C12orf42: variants seen among roughly 807,000 people sequenced by gnomAD.
C12orf42 encodes uncharacterized protein C12orf42.
A neutral mutation model predicts 21.6 loss-of-function variants in C12orf42; 25 were observed. The ratio of observed to expected loss-of-function variants is 1.16; its 90% CI spans 0.84 to 1.62. The LOEUF is 1.62. Ranked by LOEUF, C12orf42 falls within the 40% of genes most tolerant of loss-of-function variation. The probability of loss-of-function intolerance (pLI) is 0.00; values close to 1 mark genes in which losing one functional copy is unlikely to be tolerated. For synonymous variants in C12orf42, 174 were observed against 175.0 expected (o/e 0.99, Z 0.05); for missense variants, 483 against 459.3 (o/e 1.05, Z -0.47).
the C12orf42 span, among the ~76,000 whole-genome samples, chr12:103,132,046 A>G: frequency 1.3e-5 from 2 of 152,186 alleles, no homozygotes; most frequent in Admixed American, 1.3e-4. Flanking sequence ...AATATGAGTT[A>G]GACGTATATG....
At chr12:103,516,063 C>T in the C12orf42 span, among the ~76,000 whole-genome samples, 1 of 152,136 alleles carries the variant, frequency 6.6e-6, no homozygotes, top group Admixed American at 6.5e-5. Context: ...ATTGGATATA[C>T]TTCTTTAAAA....
chr12:103,120,480 G>T, the C12orf42 span, among the ~76,000 whole-genome samples: 1 of 152,284 alleles, frequency 6.6e-6, no homozygotes, highest in African/African-American at 2.4e-5. Context: ...CATGCTAGAG[G>T]TAAGAATGCT....
In C12orf42 at chr12:103,293,176, C is replaced by T. The variant is rs80134809; in HGVS notation, n.338-15966G>A. Among the ~76,000 whole-genome samples, 1,751 of 152,180 alleles carry T rather than the reference C, an allele frequency of 0.012. 100 individuals carry two copies. The East Asian group carries it at 0.19, about 17-fold the overall frequency. On this transcript the variant is annotated intron_variant and non_coding_transcript_variant, in intron 4 of 6. Coordinates refer to the C12orf42 transcript ENST00000546526. ...AAATAAGATTAATTCCCTTCCCTTT[C>T]AGGAACCCATCTCTGGTCTCCTCTT...
At chr12:103,522,054 G>T in the C12orf42 span, among the ~76,000 whole-genome samples, 1 of 152,084 alleles carries the variant, frequency 6.6e-6, no homozygotes, top group South Asian at 2.1e-4. Flanking sequence ...GATATGGTTT[G>T]GCTGTGTCCC....
At chr12:103,240,874 A>G (rs2033704572) in intron 10 of C12orf42, among the ~76,000 whole-genome samples, 1 of 152,192 alleles carries the variant, frequency 6.6e-6, no homozygotes, top group African/African-American at 2.4e-5. Flanking sequence ...TAAGCACTTA[A>G]TATAATATTT....
chr12:103,263,827 A>G (rs901608343), downstream of C12orf42, among the ~76,000 whole-genome samples: 3 of 152,118 alleles, frequency 2.0e-5, no homozygotes, highest in Non-Finnish European at 4.4e-5. Flanking sequence ...CAAATATCCT[A>G]CATCATCAAC....
chr12:103,542,811 T>C, the C12orf42 span, among the ~76,000 whole-genome samples: 1 of 152,230 alleles, frequency 6.6e-6, no homozygotes, highest in Admixed American at 6.5e-5. Context: ...ATTCAACCAA[T>C]GGATCAAGGA....
At chr12:103,392,674 T>C (rs1049881323) in intron 3 of C12orf42, among the ~76,000 whole-genome samples, 1 of 152,250 alleles carries the variant, frequency 6.6e-6, no homozygotes, top group African/African-American at 2.4e-5. Context: ...TGTATGTTGA[T>C]TTTTCTGCAG....
intron 10 of C12orf42, among the ~76,000 whole-genome samples, chr12:103,251,689 A>G (rs1010875764): frequency 1.3e-5 from 2 of 152,184 alleles, no homozygotes; most frequent in African/African-American, 2.4e-5. Context: ...TTAAAGTACC[A>G]GTATTGGTCA....
chr12:103,078,400 C>G, the C12orf42 span, among the ~76,000 whole-genome samples: 18 of 152,240 alleles, frequency 1.2e-4, no homozygotes, highest in African/African-American at 4.1e-4. Context: ...TTTATCATTG[C>G]AAACATATAA....
chr12:103,137,785 T>G, the C12orf42 span, among the ~76,000 whole-genome samples: 1 of 152,090 alleles, frequency 6.6e-6, no homozygotes, highest in African/African-American at 2.4e-5. Context: ...AGACAAATAC[T>G]GCATGTTCTC....
intron 2 of C12orf42, among the ~76,000 whole-genome samples, chr12:103,428,557 C>T (rs1950025240): frequency 6.6e-6 from 1 of 152,138 alleles, no homozygotes; most frequent in African/African-American, 2.4e-5. Flanking sequence ...GGAGCTGGTA[C>T]CATTCCTTCT....
intron 2 of C12orf42, among the ~76,000 whole-genome samples, chr12:103,443,124 C>G (rs180844223): frequency 1.6e-3 from 242 of 152,160 alleles, no homozygotes; most frequent in Middle Eastern, 6.8e-3. Context: ...TCAAACAGCA[C>G]AAGTTTCATC....
At chr12:103,124,854 A>G in the C12orf42 span, among the ~76,000 whole-genome samples, 1 of 152,214 alleles carries the variant, frequency 6.6e-6, no homozygotes, top group Non-Finnish European at 1.5e-5. Flanking sequence ...GGGCACTTAG[A>G]AGTAACTTCA....
At chr12:103,112,247 T>C in the C12orf42 span, among the ~76,000 whole-genome samples, 1 of 152,316 alleles carries the variant, frequency 6.6e-6, no homozygotes, top group Non-Finnish European at 1.5e-5. Context: ...AGTTAAGCGT[T>C]ATGAGGCATT....
In C12orf42 at chr12:103,478,220, G is replaced by A. The variant is rs539881765; in HGVS notation, c.78+129C>T. On this transcript the variant is annotated intron_variant, in intron 2 of 5. Coordinates refer to ENST00000548883, the MANE Select transcript of C12orf42 (RefSeq NM_198521.5). ...CAATGATGTGAGTATGGATAAATAT[G>A]GAAACTAAGAGGATTATCTAAAATA... The A allele has an allele frequency of 1.1e-4, 67 of 611,252 alleles. No homozygotes were observed. In the African/African-American group the frequency reaches 1.2e-3, roughly 11 times the overall value. 37.9% of individuals were successfully genotyped at this position (611,252 alleles called of 1,614,324 possible). A position where few individuals can be genotyped will look rare whatever the true frequency, so the allele number is the denominator to read the frequency against.
At chr12:103,090,332 C>A in the C12orf42 span, among the ~76,000 whole-genome samples, 1 of 152,054 alleles carries the variant, frequency 6.6e-6, no homozygotes, top group Non-Finnish European at 1.5e-5. Context: ...CAGTCACCAC[C>A]GAATTAAATG....
chr12:103,505,168 T>C, the C12orf42 span, among the ~76,000 whole-genome samples: 14 of 152,280 alleles, frequency 9.2e-5, no homozygotes, highest in Admixed American at 2.6e-4. Context: ...TAACAATGGA[T>C]GAGAACAGAC....
intron 3 of C12orf42, among the ~76,000 whole-genome samples, chr12:103,387,761 C>T (rs2046736092): frequency 6.6e-6 from 1 of 152,186 alleles, no homozygotes. Context: ...AGAACAATAC[C>T]TAATATGTCA....
Sources: gnomAD v4.1 joint callset for allele counts (sites outside exome capture counted in the v4.1 genomes callset) on GRCh38, gnomAD v4.1.1 for gene constraint, MANE v1.5 for transcripts, NCBI Gene and HGNC (gene_info 2026-07-23, HGNC 2026-07-21) for gene names.